BIRC2: variants seen among roughly 807,000 people sequenced by gnomAD.
The protein encoded by BIRC2 is baculoviral IAP repeat containing 2.
Under a neutral mutation model 60.9 loss-of-function variants are expected in BIRC2, and 18 were observed. The observed-to-expected ratio is 0.30, with a 90% CI of 0.20 to 0.44. The LOEUF (loss-of-function observed/expected upper bound fraction) is 0.44. Among genes scored for constraint, BIRC2 ranks in the 20% least tolerant of loss-of-function variants. The probability of loss-of-function intolerance (pLI) is 1.00; values close to 1 mark genes in which losing one functional copy is unlikely to be tolerated. For synonymous variants in BIRC2, 282 were observed against 247.7 expected (o/e 1.14, Z -1.30); for missense variants, 701 against 728.5 (o/e 0.96, Z 0.43).
At chr11:102,354,560 T>C (rs763414326) in intron 3 of BIRC2, among the ~76,000 whole-genome samples, 1 of 152,170 alleles carries the variant, frequency 6.6e-6, no homozygotes, top group Non-Finnish European at 1.5e-5. Flanking sequence ...TGCTTGAACA[T>C]GGGAGTAGAG....
chr11:102,369,661 G>C (rs1232338210), intron 6 of BIRC2, among the ~76,000 whole-genome samples: 6 of 146,544 alleles, frequency 4.1e-5, no homozygotes, highest in African/African-American at 1.0e-4. Flanking sequence ...ATGATTTATA[G>C]TCATTTGGGT....
chr11:102,367,423 C>T (rs1289722184), intron 5 of BIRC2, among the ~76,000 whole-genome samples: 1 of 151,934 alleles, frequency 6.6e-6, no homozygotes, highest in Non-Finnish European at 1.5e-5. Context: ...GAGCTCATTC[C>T]TTGTTATTTA....
chr11:102,364,164 TATATATATATACACACAC>T lies in BIRC2; in HGVS notation c.1123+450_1123+467del, dbSNP rs1311461880. On this transcript the variant is annotated intron_variant, in intron 5 of 8. Transcript: ENST00000227758. ...TTATATATATATATATATATATATATATATATATATACACACACACACAGAGAGAGAGAGAGAGAGAGA... is the reference window on the plus strand; with the variant it reads ...TTATATATATATATATATATATATATACACAGAGAGAGAGAGAGAGAGAGA... 6.2e-3 allele frequency among the ~76,000 whole-genome samples: 508 copies of T among 82,162 alleles called. 9 individuals carry two copies. Among genetic ancestry groups the T allele is most frequent in the African/African-American group, 0.027 (469 of 17,518 alleles). 53.9% of individuals were successfully genotyped at this position (82,162 alleles called of 152,430 possible).
Position 102,378,378 on chromosome 11 carries a change from A to G in BIRC2, c.*195A>G, listed in dbSNP as rs1173212763. The G allele has an allele frequency of 2.1e-6, 1 of 487,132 alleles. No homozygotes were observed. Among genetic ancestry groups the G allele is most frequent in the Non-Finnish European group, 3.5e-6 (1 of 285,266 alleles). 30.2% of individuals were successfully genotyped at this position (487,132 alleles called of 1,614,324 possible). A position where few individuals can be genotyped will look rare whatever the true frequency, so the allele number is the denominator to read the frequency against. ...TTTAATCTTAATCTGTTTATTTACAAGGGAAGATTTATGTTTGGTGAACTA... is the reference window on the plus strand; with the variant it reads ...TTTAATCTTAATCTGTTTATTTACAGGGGAAGATTTATGTTTGGTGAACTA... On this transcript the variant is annotated 3_prime_UTR_variant, in exon 9 of 9. Transcript: ENST00000227758.
chr11:102,354,953 T>G (rs1400254879), intron 3 of BIRC2, among the ~76,000 whole-genome samples: 3 of 150,818 alleles, frequency 2.0e-5, no homozygotes, highest in Admixed American at 6.6e-5. Flanking sequence ...GGTTTTTTTT[T>G]TTTTTTTTTT....
chr11:102,351,780 G>A (rs945191486), intron 3 of BIRC2, among the ~76,000 whole-genome samples: 7 of 151,844 alleles, frequency 4.6e-5, no homozygotes, highest in Non-Finnish European at 8.8e-5. Context: ...TAATTTAGGG[G>A]CAGTGTTATT....
intron 6 of BIRC2, among the ~76,000 whole-genome samples, chr11:102,376,021 A>G (rs530601856): frequency 6.6e-5 from 10 of 152,110 alleles, no homozygotes; most frequent in African/African-American, 2.4e-4. Context: ...ACTTGGTGAA[A>G]GAAAGGGCCT....
intron 3 of BIRC2, among the ~76,000 whole-genome samples, chr11:102,362,466 T>C (rs951183330): frequency 2.6e-5 from 4 of 152,234 alleles, no homozygotes; most frequent in African/African-American, 9.6e-5. Context: ...GGATTCTGGC[T>C]CAAATGTAAT....
chr11:102,356,810 G>A (rs369136807), intron 3 of BIRC2, among the ~76,000 whole-genome samples: 4 of 151,368 alleles, frequency 2.6e-5, no homozygotes, highest in African/African-American at 7.3e-5. Context: ...TCCCGAGTAG[G>A]TGGGACCACA....
rs767040556 is a variant in BIRC2, at chr11:102,350,426, A to T, written c.572A>T (p.Tyr191Phe). 1.2e-6 allele frequency: 2 copies of T among 1,614,160 alleles called. No individual in the cohort carries two copies. Among genetic ancestry groups the T allele is most frequent in the African/African-American group, 2.7e-5 (2 of 75,028 alleles). The part of the protein sequence containing the change: ...MSTEEARFLT[Y>F]HMWPLTFLSP... ...ACTGAAGAAGCCAGATTTCTTACCT[A>T]CCATATGTGGCCATTAACTTTTTTG... The change falls in exon 2 of 9, where the codon TAC becomes TTC. Residue 191 changes from tyrosine (Y) to phenylalanine (F), a missense_variant. By Grantham distance (22) the Tyr-to-Phe change is conservative (BLOSUM62 3). Around this residue, in one of 4 missense-constraint regions of BIRC2, gnomAD observed 375 missense variants for 365.9 expected, o/e 1.02. Transcript: ENST00000227758.
At chr11:102,353,648 C>T (rs894172792) in intron 3 of BIRC2, among the ~76,000 whole-genome samples, 1 of 148,068 alleles carries the variant, frequency 6.8e-6, no homozygotes, top group Non-Finnish European at 1.5e-5. Flanking sequence ...TCTTTAATCT[C>T]AGTAAATCCA....
At chr11:102,359,395 T>G (rs1239857559) in intron 3 of BIRC2, among the ~76,000 whole-genome samples, 1 of 152,218 alleles carries the variant, frequency 6.6e-6, no homozygotes, top group Non-Finnish European at 1.5e-5. Context: ...ATTACAAATT[T>G]AGTATATTAT....
At position 102,349,782 on chromosome 11, in the gene BIRC2, G is replaced by A; in HGVS notation, c.-73G>A. 2.8e-6 allele frequency: 4 copies of A among 1,417,228 alleles called. No individual in the cohort carries two copies. Among genetic ancestry groups the A allele is most frequent in the Non-Finnish European group, 3.8e-6 (4 of 1,045,700 alleles). 87.8% of individuals were successfully genotyped at this position (1,417,228 alleles called of 1,614,324 possible). On this transcript the variant is annotated 5_prime_UTR_variant, in exon 2 of 9. Coordinates refer to ENST00000227758, the MANE Select transcript of BIRC2 (RefSeq NM_001166.5). Reference sequence around the variant, plus strand: ...GAGTCTATCATTGATTTCTTTTTGTGGTAAAAATCTTAGTTCATGTGAAGA... The same window carrying A: ...GAGTCTATCATTGATTTCTTTTTGTAGTAAAAATCTTAGTTCATGTGAAGA...
At chr11:102,355,091 A>G (rs1951406554) in intron 3 of BIRC2, among the ~76,000 whole-genome samples, 1 of 151,518 alleles carries the variant, frequency 6.6e-6, no homozygotes, top group Admixed American at 6.6e-5. Flanking sequence ...TCCTTTGCTG[A>G]GCAGAAGCTT....
At chr11:102,352,213 A>G (rs1272613828) in intron 3 of BIRC2, among the ~76,000 whole-genome samples, 1 of 150,694 alleles carries the variant, frequency 6.6e-6, no homozygotes, top group East Asian at 2.0e-4. Context: ...TCCCGGGTTC[A>G]CGCCATTCTC....
intron 3 of BIRC2, among the ~76,000 whole-genome samples, chr11:102,359,956 T>G (rs146478308): frequency 6.6e-6 from 1 of 151,994 alleles, no homozygotes; most frequent in East Asian, 1.9e-4. Context: ...ATTCTCGGGT[T>G]TGTTTTTCAT....
At chr11:102,375,673 G>T (rs771364507) in intron 6 of BIRC2, among the ~76,000 whole-genome samples, 1 of 152,054 alleles carries the variant, frequency 6.6e-6, no homozygotes, top group East Asian at 1.9e-4. Context: ...CCAGCTATTC[G>T]GGAGGCTGAG....
intron 3 of BIRC2, among the ~76,000 whole-genome samples, chr11:102,360,214 G>A (rs929861369): frequency 2.0e-5 from 3 of 152,006 alleles, no homozygotes; most frequent in Non-Finnish European, 2.9e-5. Flanking sequence ...TGATCCACCC[G>A]CCTCAACCTC....
chr11:102,350,415 A>G lies in BIRC2; in HGVS notation c.561A>G (p.Arg187=). ...ATGCAATGAGTACTGAAGAAGCCAG[A>G]TTTCTTACCTACCATATGTGGCCAT... The part of the protein sequence containing the change: ...YSYAMSTEEA[R]FLTYHMWPLT... The change falls in exon 2 of 9, where the codon AGA becomes AGG. Residue 187 remains arginine, a synonymous_variant. Transcript: ENST00000227758. The G allele has an allele frequency of 6.2e-7, 1 of 1,614,198 alleles. No homozygotes were observed. The highest frequency in any genetic ancestry group is 1.1e-5 in the South Asian group (1 of 91,082).
Sources: allele counts gnomAD v4.1 joint callset (sites outside exome capture counted in the v4.1 genomes callset), GRCh38; gene constraint gnomAD v4.1.1; regional missense constraint gnomAD v4.1.1; transcripts MANE v1.5; gene names NCBI Gene and HGNC (gene_info 2026-07-23, HGNC 2026-07-21).